The following IQSEC1 variants were observed in gnomAD, a reference collection of about 807,000 sequenced individuals.
IQSEC1 encodes the protein IQ motif and SEC7 domain-containing protein 1.
IQSEC1 carries 31 observed loss-of-function variants against 91.0 expected under a neutral mutation model. The observed-to-expected ratio is 0.34, with a 90% CI of 0.26 to 0.46. The LOEUF (loss-of-function observed/expected upper bound fraction) is 0.46, where lower values mean the gene tolerates loss of function less well. IQSEC1 is among the 20% of genes least tolerant of loss of function. The pLI, the probability that IQSEC1 is intolerant of heterozygous loss-of-function variation, is 1.00. For missense variants in IQSEC1, 1,388 were observed against 1,575.6 expected, an observed-to-expected ratio of 0.88 and a Z score of 2.02; for synonymous variants, 699 against 662.6, an observed-to-expected ratio of 1.05 and a Z score of -0.84.
At chr3:13,249,118 G>C (rs1472139073) in intron 1 of IQSEC1, among the ~76,000 whole-genome samples, 1 of 150,500 alleles carries the variant, frequency 6.6e-6, no homozygotes, top group African/African-American at 2.4e-5. Flanking sequence ...GTGGGACTTT[G>C]ATGCGCAATT....
chr3:12,909,487 G>GC lies in IQSEC1; in HGVS notation c.2417-54dup. On this transcript the variant is annotated intron_variant, in intron 10 of 13. Transcript: ENST00000613206. The surrounding 1 kb of genome is among the most constrained non-coding windows in gnomAD (Gnocchi z 4.9). ...GCCCACGGGTCTCAGTGTGTTCTCTGCAATCTCCTCTCTGGTCAGGAAACA... is the reference window on the plus strand; with the variant it reads ...GCCCACGGGTCTCAGTGTGTTCTCTGCCAATCTCCTCTCTGGTCAGGAAACA... The GC allele has an allele frequency of 3.3e-6, 5 of 1,532,966 alleles. No individual in the cohort carries two copies. Among genetic ancestry groups the GC allele is most frequent in the Non-Finnish European group, 4.5e-6 (5 of 1,115,872 alleles). The allele number at this position is 1,532,966 out of a possible 1,614,324, so 95.0% of individuals were successfully genotyped here. A position where few individuals can be genotyped will look rare whatever the true frequency, so the allele number is the denominator to read the frequency against.
chr3:13,128,453 G>A (rs2124909596), intron 2 of IQSEC1, among the ~76,000 whole-genome samples: 1 of 152,292 alleles, frequency 6.6e-6, no homozygotes, highest in Admixed American at 6.5e-5. Context: ...TGCTGAGAAA[G>A]TGGGTTACAT....
intron 2 of IQSEC1, among the ~76,000 whole-genome samples, chr3:13,145,413 G>T (rs1368916763): frequency 6.6e-6 from 1 of 152,116 alleles, no homozygotes; most frequent in Admixed American, 6.5e-5. Context: ...CATCACATCT[G>T]CAGTCGGTAC....
chr3:13,234,996 G>A (rs1221099161), intron 1 of IQSEC1, among the ~76,000 whole-genome samples: 1 of 152,218 alleles, frequency 6.6e-6, no homozygotes, highest in Non-Finnish European at 1.5e-5. Context: ...AGAGGTGGAT[G>A]TGTGGAGCCG....
intron 2 of IQSEC1, among the ~76,000 whole-genome samples, chr3:13,141,090 G>A (rs953797865): frequency 6.6e-6 from 1 of 152,214 alleles, no homozygotes; most frequent in African/African-American, 2.4e-5. Context: ...TATTTCCTAC[G>A]AGCACGGAAA....
At chr3:13,190,751 C>G (rs1183830419) in intron 1 of IQSEC1, among the ~76,000 whole-genome samples, 1 of 152,150 alleles carries the variant, frequency 6.6e-6, no homozygotes, top group South Asian at 2.1e-4. Context: ...TCTAAATTGT[C>G]TACATACATA....
intron 1 of IQSEC1, among the ~76,000 whole-genome samples, chr3:13,181,308 GA>G (rs1456592022): frequency 6.6e-6 from 1 of 151,916 alleles, no homozygotes; most frequent in African/African-American, 2.4e-5. Context: ...CAAAATATAT[GA>G]AGCAAAAACT....
At chr3:13,254,016 C>T (rs778170991) in intron 1 of IQSEC1, among the ~76,000 whole-genome samples, 5 of 152,264 alleles carry the variant, frequency 3.3e-5, no homozygotes, top group Admixed American at 6.5e-5. Flanking sequence ...AGGCAGCAGC[C>T]CCTCCACATA....
intron 2 of IQSEC1, among the ~76,000 whole-genome samples, chr3:13,149,309 G>A (rs1437043696): frequency 4.6e-5 from 7 of 151,992 alleles, no homozygotes; most frequent in African/African-American, 1.2e-4. Context: ...GCCTGGGTCC[G>A]CAGGATTTGA....
intron 2 of IQSEC1, among the ~76,000 whole-genome samples, chr3:13,146,347 T>A (rs559052358): frequency 6.6e-6 from 1 of 152,208 alleles, no homozygotes; most frequent in Admixed American, 6.5e-5. Flanking sequence ...ACTGTAAGAG[T>A]TCACCCCAAG....
At chr3:12,991,119 G>A (rs1701968993) in intron 1 of IQSEC1, among the ~76,000 whole-genome samples, 1 of 152,152 alleles carries the variant, frequency 6.6e-6, no homozygotes, top group Admixed American at 6.5e-5. Context: ...TATTACCAGG[G>A]GTCTAAAGTC....
At chr3:13,081,591 G>C (rs1705648107) in intron 2 of IQSEC1, among the ~76,000 whole-genome samples, 1 of 152,162 alleles carries the variant, frequency 6.6e-6, no homozygotes. Flanking sequence ...ATTTTTCAAA[G>C]TTTCTACAAC....
rs967691568 is a variant in IQSEC1 at position 12,899,235 on chromosome 3, G to A, written c.*1748C>T. 15 of 786,064 alleles carry A rather than the reference G, an allele frequency of 1.9e-5. No homozygotes were observed. Among genetic ancestry groups the A allele is most frequent in the Middle Eastern group, 3.8e-4 (1 of 2,656 alleles). The allele number at this position is 786,064 out of a possible 1,614,324, so 48.7% of individuals were successfully genotyped here. A position where few individuals can be genotyped will look rare whatever the true frequency, so the allele number is the denominator to read the frequency against. On this transcript the variant is annotated 3_prime_UTR_variant, in exon 14 of 14. Coordinates refer to ENST00000613206, the MANE Select transcript of IQSEC1 (RefSeq NM_001134382.3). ...AGCCAAGGTGACACACAGCCAGAGG[G>A]GGCTCCCCTCTCCTCCTGCCGTCCG...
chr3:12,963,261 T>C (rs1356534734), intron 1 of IQSEC1, among the ~76,000 whole-genome samples: 2 of 152,316 alleles, frequency 1.3e-5, no homozygotes, highest in East Asian at 1.9e-4. Flanking sequence ...GTCAGGAAAC[T>C]GCAAACCGAG....
rs967302025 is a variant in IQSEC1, at chr3:13,211,037, A to G, written c.273-46904T>C. ...GAGAGACAAGAGTCTGCTAGAAGGT[A>G]GAGACCTTGTATGCTGTTCCCTGAT... On this transcript the variant is annotated intron_variant, in intron 1 of 15. Coordinates refer to the IQSEC1 transcript ENST00000648114. This position sits in a 1 kb window ranked among gnomAD's most constrained non-coding sequence, Gnocchi z 5.3. Among the ~76,000 whole-genome samples, 1 of 152,250 alleles carries G rather than the reference A, an allele frequency of 6.6e-6. No homozygotes were observed. Among genetic ancestry groups the G allele is most frequent in the Non-Finnish European group, 1.5e-5 (1 of 68,036 alleles).
intron 1 of IQSEC1, among the ~76,000 whole-genome samples, chr3:13,007,777 T>C (rs1446609655): frequency 5.3e-5 from 8 of 152,216 alleles, no homozygotes; most frequent in African/African-American, 1.7e-4. Context: ...TGCTTGCAGA[T>C]GAAATGTAAT....
At chr3:13,154,998 A>T (rs1707063403) in intron 2 of IQSEC1, among the ~76,000 whole-genome samples, 1 of 152,222 alleles carries the variant, frequency 6.6e-6, no homozygotes, top group Non-Finnish European at 1.5e-5. Flanking sequence ...AGTACTAAGG[A>T]GGAAATTTAT....
chr3:13,077,648 G>A (rs531685572), upstream of IQSEC1, among the ~76,000 whole-genome samples: 4 of 152,346 alleles, frequency 2.6e-5, no homozygotes, highest in South Asian at 8.3e-4. Flanking sequence ...CTCGTGCAGG[G>A]CCCTCCTAAC....
At chr3:12,901,757 G>A (rs977961337) in intron 13 of IQSEC1, among the ~76,000 whole-genome samples, 1 of 152,092 alleles carries the variant, frequency 6.6e-6, no homozygotes, top group African/African-American at 2.4e-5. Flanking sequence ...GGCAGGGGAG[G>A]GGCCCATCTC....
Sources: allele counts gnomAD v4.1 joint callset (sites outside exome capture counted in the v4.1 genomes callset), GRCh38; gene constraint gnomAD v4.1.1; non-coding constraint Gnocchi (gnomAD v3.1); transcripts MANE v1.5; gene names NCBI Gene and HGNC (gene_info 2026-07-23, HGNC 2026-07-21).